Variants in GRK1 observed in about 807,000 individuals in gnomAD.
GRK1 encodes rhodopsin kinase GRK1.
GRK1 carries 28 observed loss-of-function variants against 41.7 expected under a neutral mutation model. The observed-to-expected ratio is 0.67, with a 90% CI of 0.50 to 0.92. The LOEUF (loss-of-function observed/expected upper bound fraction) is 0.92, where lower values mean the gene tolerates loss of function less well. Ranked by LOEUF, GRK1 falls within the 40% of genes least tolerant of loss-of-function variation. The pLI, the probability that GRK1 is intolerant of heterozygous loss-of-function variation, is 0.00. For synonymous variants in GRK1, 327 were observed against 286.7 expected (o/e 1.14, Z -1.42); for missense variants, 703 against 671.2 (o/e 1.05, Z -0.52).
the GRK1 span, among the ~76,000 whole-genome samples, chr13:113,655,490 C>T: frequency 6.6e-6 from 1 of 152,210 alleles, no homozygotes; most frequent in Admixed American, 6.5e-5. Flanking sequence ...TAGGCACCGG[C>T]AACTCAGGGT....
chr13:113,668,765 C>G (rs967524474), intron 1 of GRK1, among the ~76,000 whole-genome samples: 1 of 152,238 alleles, frequency 6.6e-6, no homozygotes, highest in Non-Finnish European at 1.5e-5. Flanking sequence ...CTGAGCCAGC[C>G]CCCTGCACTT....
At position 113,669,946 on chromosome 13, in the gene GRK1, A is replaced by G. The variant is rs990197044; in HGVS notation, c.827+132A>G. 3.4e-5 allele frequency: 36 copies of G among 1,069,702 alleles called. No homozygotes were observed. In the African/African-American group the frequency reaches 5.7e-4, roughly 17 times the overall value. 66.3% of individuals were successfully genotyped at this position (1,069,702 alleles called of 1,614,324 possible). A position where few individuals can be genotyped will look rare whatever the true frequency, so the allele number is the denominator to read the frequency against. ...TGCCCTCGAGGGAAGCCTTGCACCC[A>G]TCACAATCCCCTTCTCGCTGTTGGT... is the stretch of plus-strand genomic sequence containing the variant. On this transcript the variant is annotated intron_variant, in intron 2 of 6. Coordinates refer to ENST00000335678, the MANE Select transcript of GRK1 (RefSeq NM_002929.3).
In GRK1 at chr13:113,731,701, C is replaced by G. The variant is rs999117643; in HGVS notation, c.1194+358C>G. ...GACCGGAGGAGGGAGGGCGACTTAT[C>G]CCACTGTTGCCCCAGACCCTGGGCA... is the stretch of plus-strand genomic sequence containing the variant. On this transcript the variant is annotated intron_variant, in intron 5 of 6. Transcript: ENST00000335678. This position sits in a 1 kb window ranked among gnomAD's most constrained non-coding sequence, Gnocchi z 5.6. Among the ~76,000 whole-genome samples the G allele has an allele frequency of 6.6e-6, 1 of 152,154 alleles. No individual in the cohort carries two copies. Among genetic ancestry groups the G allele is most frequent in the East Asian group, 1.9e-4 (1 of 5,178 alleles).
the GRK1 span, chr13:113,649,363 C>A: frequency 6.3e-7 from 1 of 1,587,792 alleles, no homozygotes; most frequent in East Asian, 2.3e-5. This position sits in a 1 kb window ranked among gnomAD's most constrained non-coding sequence, Gnocchi z 4.7. Context: ...AGGACCCCTG[C>A]GCAAACCGTT....
At chr13:113,732,296 C>G (rs1018235185) in intron 5 of GRK1, among the ~76,000 whole-genome samples, 1 of 152,216 alleles carries the variant, frequency 6.6e-6, no homozygotes. Context: ...CCTGTCCTGC[C>G]AGGACAGGTT....
chr13:113,667,166 C>T (rs777644701), upstream of GRK1: 49 of 533,652 alleles, frequency 9.2e-5, no homozygotes, highest in Non-Finnish European at 1.3e-4. This position sits in a 1 kb window ranked among gnomAD's most constrained non-coding sequence, Gnocchi z 7.5. Flanking sequence ...TCCGTGACCC[C>T]GGCTGGGATT....
At chr13:113,665,618 TGTCCCAGGTGTG>T (rs1258794798), upstream of GRK1, among the ~76,000 whole-genome samples, 10 of 149,886 alleles carry the variant, frequency 6.7e-5, no homozygotes, top group African/African-American at 2.5e-4. Flanking sequence ...GTGCCCCAGC[TGTCCCAGGTGTG>T]CCCCAGCTGT....
At chr13:113,723,352 G>A (rs988059747) in intron 4 of GRK1, among the ~76,000 whole-genome samples, 195 bp downstream of exon 4, 1 of 152,048 alleles carries the variant, frequency 6.6e-6, no homozygotes, top group African/African-American at 2.4e-5. Flanking sequence ...GCAGGTACCA[G>A]TTAATTTAGA....
At chr13:113,725,362 CTAGTTTGAGT>C (rs1566695905) in intron 4 of GRK1, among the ~76,000 whole-genome samples, 17 of 69,608 alleles carry the variant, frequency 2.4e-4, no homozygotes, top group African/African-American at 1.1e-3. Flanking sequence ...ATGCGCGGTC[CTAGTTTGAGT>C]TCAGGGGCGG....
the GRK1 span, chr13:113,658,006 C>T: frequency 9.6e-6 from 15 of 1,559,684 alleles, no homozygotes; most frequent in Middle Eastern, 1.8e-4. Flanking sequence ...CCTCCATGCA[C>T]CCAGCCGGCC....
chr13:113,666,686 G>A (rs371781689), upstream of GRK1, among the ~76,000 whole-genome samples: 32 of 152,116 alleles, frequency 2.1e-4, no homozygotes, highest in African/African-American at 7.7e-4. Context: ...GCAAACCCCA[G>A]GTGAGAAGAA....
the GRK1 span, among the ~76,000 whole-genome samples, chr13:113,659,376 CAG>C: frequency 4.6e-5 from 7 of 152,310 alleles, 1 homozygote; most frequent in South Asian, 1.5e-3. Flanking sequence ...GAATTACATG[CAG>C]AGTTTCCCAT....
intron 4 of GRK1, among the ~76,000 whole-genome samples, chr13:113,724,527 C>A (rs138289137): frequency 1.3e-5 from 2 of 152,260 alleles, no homozygotes; most frequent in African/African-American, 2.4e-5. Context: ...ATCCTCGCTC[C>A]AGCTGGACTT....
intron 6 of GRK1, among the ~76,000 whole-genome samples, chr13:113,733,693 A>G (rs1469511032): frequency 3.1e-5 from 3 of 97,004 alleles, no homozygotes; most frequent in Admixed American, 1.1e-4. Flanking sequence ...GTATGTGTGC[A>G]TACATGTGTG....
Position 113,731,330 on chromosome 13 carries a change from C to T in GRK1, c.1181C>T (p.Ala394Val), listed in dbSNP as rs1276844071. ...ATTGCGGCCAGAGGACCCTTCCGAG[C>T]CCGTGGAGAGAAGGTAGGAGGCGGC... ...EMIAARGPFR[A>V]RGEKVENKEL... is the part of the protein sequence containing the mutation. The change falls in exon 5 of 7, where the codon GCC becomes GTC. Residue 394 changes from alanine to valine, a missense_variant. By Grantham distance (64) the Ala-to-Val change is moderately conservative. Coordinates refer to ENST00000335678, the MANE Select transcript of GRK1 (RefSeq NM_002929.3). The surrounding 1 kb of genome is among the most constrained non-coding windows in gnomAD (Gnocchi z 5.6). The T allele has an allele frequency of 1.8e-5, 28 of 1,536,892 alleles. No individual in the cohort carries two copies. The Admixed American group carries it at 5.3e-4, about 29-fold the overall frequency.
At chr13:113,723,563 T>A (rs2049870072) in intron 4 of GRK1, among the ~76,000 whole-genome samples, 2 of 152,168 alleles carry the variant, frequency 1.3e-5, no homozygotes, top group Admixed American at 1.3e-4. Context: ...GACAAATGGT[T>A]ACATTCTTTT....
chr13:113,666,150 G>GT, upstream of GRK1, among the ~76,000 whole-genome samples: 1 of 141,556 alleles, frequency 7.1e-6, no homozygotes, highest in Admixed American at 6.8e-5. Context: ...TGTCTCAGGT[G>GT]GGTCCCAAGT....
Position 113,736,454 on chromosome 13 carries a change from C to T in GRK1, c.*1091C>T, listed in dbSNP as rs146395523. 0.042 allele frequency: 6,386 copies of T among 152,410 alleles called. 464 individuals carry two copies. Among genetic ancestry groups the T allele is most frequent in the African/African-American group, 0.14 (6,006 of 41,546 alleles). 9.4% of individuals were successfully genotyped at this position (152,410 alleles called of 1,614,324 possible). A position where few individuals can be genotyped will look rare whatever the true frequency, so the allele number is the denominator to read the frequency against. On this transcript the variant is annotated 3_prime_UTR_variant, in exon 7 of 7. Coordinates refer to ENST00000335678, the MANE Select transcript of GRK1 (RefSeq NM_002929.3). ...CCCACCCACAATGCACCTGGCATTT[C>T]CAACTGCACTTTGAACACTGAAGGT...
chr13:113,658,848 C>T, the GRK1 span, among the ~76,000 whole-genome samples: 3 of 152,226 alleles, frequency 2.0e-5, no homozygotes, highest in Non-Finnish European at 2.9e-5. Flanking sequence ...ACACAAACCC[C>T]TAAATCTAGT....
Sources: gnomAD v4.1 joint callset for allele counts (sites outside exome capture counted in the v4.1 genomes callset) on GRCh38, gnomAD v4.1.1 for gene constraint, Gnocchi (gnomAD v3.1) non-coding constraint, MANE v1.5 for transcripts, NCBI Gene and HGNC (gene_info 2026-07-23, HGNC 2026-07-21) for gene names.